The following NCKAP1 variants were observed in gnomAD, a reference collection of about 807,000 sequenced individuals.
The protein encoded by NCKAP1 is nck-associated protein 1.
Under a neutral mutation model 151.2 loss-of-function variants are expected in NCKAP1, and 21 were observed. The ratio of observed to expected loss-of-function variants is 0.14; its 90% CI spans 0.10 to 0.20. The LOEUF is 0.20. Among genes scored for constraint, NCKAP1 ranks in the 10% least tolerant of loss-of-function variants. NCKAP1 has a pLI of 1.00. For synonymous variants in NCKAP1, 484 were observed against 451.8 expected, an observed-to-expected ratio of 1.07 and a Z score of -0.90; for missense variants, 933 against 1,352.1, an observed-to-expected ratio of 0.69 and a Z score of 4.86.
At chr2:182,945,977 C>A (rs1173570383) in intron 23 of NCKAP1, among the ~76,000 whole-genome samples, 1 of 152,164 alleles carries the variant, frequency 6.6e-6, no homozygotes, top group Non-Finnish European at 1.5e-5. Context: ...ACTACACAGT[C>A]ATAAATAAGA....
intron 15 of NCKAP1, among the ~76,000 whole-genome samples, chr2:182,974,366 C>T (rs1258224635): frequency 1.3e-5 from 2 of 151,818 alleles, no homozygotes; most frequent in South Asian, 2.1e-4. Context: ...ATTGTATCCC[C>T]GAAGAAAAGA....
chr2:182,981,873 C>T (rs1263379914), intron 12 of NCKAP1, among the ~76,000 whole-genome samples: 1 of 137,946 alleles, frequency 7.2e-6, no homozygotes, highest in Non-Finnish European at 1.5e-5. Flanking sequence ...GGCATCACTG[C>T]ACTCCAGCCT....
intron 1 of NCKAP1, among the ~76,000 whole-genome samples, chr2:183,037,573 T>A (rs990792136): frequency 6.6e-6 from 1 of 152,238 alleles, no homozygotes; most frequent in African/African-American, 2.4e-5. Flanking sequence ...CCCTGTTCAC[T>A]GCTGCCATCT....
In NCKAP1 at chr2:182,957,648, A is replaced by G. The variant is rs182790578; in HGVS notation, c.1882-52T>C. 2.2e-5 allele frequency: 34 copies of G among 1,561,552 alleles called. No individual in the cohort carries two copies. The African/African-American group carries it at 4.0e-4, about 18-fold the overall frequency. ...ACATTACACCAATTACTCTGAAAGC[A>G]TACTAACTATTCAAGCAAACAGTAG... On this transcript the variant is annotated intron_variant, in intron 18 of 30. Coordinates refer to ENST00000361354, the MANE Select transcript of NCKAP1 (RefSeq NM_013436.5).
chr2:182,978,630 T>C (rs1000302171), intron 14 of NCKAP1, among the ~76,000 whole-genome samples: 4 of 152,160 alleles, frequency 2.6e-5, no homozygotes, highest in African/African-American at 9.6e-5. Context: ...TTTTTCCTGC[T>C]TAATAATTAG....
At chr2:182,967,495 G>T in intron 15 of NCKAP1, 134 bp from the exon 16 acceptor site, 1 of 786,168 alleles carries the variant, frequency 1.3e-6, no homozygotes. Flanking sequence ...CATCTACTGT[G>T]TTAGTTGTCT....
Position 182,922,850 on chromosome 2 carries a change from T to C in NCKAP1, c.*2852A>G, listed in dbSNP as rs1402844626. 1.3e-5 allele frequency: 2 copies of C among 152,100 alleles called. No individual in the cohort carries two copies. Among genetic ancestry groups the C allele is most frequent in the African/African-American group, 2.4e-5 (1 of 41,402 alleles). The allele number at this position is 152,100 out of a possible 1,614,324, so 9.4% of individuals were successfully genotyped here. ...CAACATGGTAAAACCCCATCTCTAC[T>C]AAAAATACCAAAAATTAACTGGGCG... On this transcript the variant is annotated 3_prime_UTR_variant, in exon 31 of 31. Transcript: ENST00000361354.
intron 8 of NCKAP1, among the ~76,000 whole-genome samples, chr2:182,991,060 T>C (rs1446122209): frequency 6.6e-6 from 1 of 152,176 alleles, no homozygotes; most frequent in African/African-American, 2.4e-5. Flanking sequence ...CTTTCCACCC[T>C]AATATCAAGT....
intron 2 of NCKAP1, among the ~76,000 whole-genome samples, chr2:183,017,159 A>G (rs1030109911): frequency 4.6e-5 from 7 of 152,258 alleles, no homozygotes; most frequent in Admixed American, 4.6e-4. Context: ...GCAGTCCCCA[A>G]CCTTTTTAGC....
intron 7 of NCKAP1, 28 bp from the exon 8 acceptor site, chr2:182,994,915 G>C: frequency 6.4e-7 from 1 of 1,557,488 alleles, no homozygotes; most frequent in Non-Finnish European, 8.8e-7. Context: ...TACATTTGCA[G>C]TTAAAAGAAA....
In NCKAP1 at chr2:182,913,361, A is replaced by G. The variant is rs1331661210; in HGVS notation, c.*12341T>C. 1 of 152,186 alleles carries G rather than the reference A, an allele frequency of 6.6e-6. No homozygotes were observed. The highest frequency in any genetic ancestry group is 1.5e-5 in the Non-Finnish European group (1 of 68,050). 9.4% of individuals were successfully genotyped at this position (152,186 alleles called of 1,614,324 possible). A position where few individuals can be genotyped will look rare whatever the true frequency, so the allele number is the denominator to read the frequency against. ...TTCTGGGAGGTGATTGGTTCACAAG[A>G]GCTCTGCCCTCATGAGTGAATGAAT... is the stretch of plus-strand genomic sequence containing the variant. On this transcript the variant is annotated 3_prime_UTR_variant, in exon 31 of 31. Transcript: ENST00000361354.
At chr2:182,958,734 A>G (rs1227430105) in intron 18 of NCKAP1, among the ~76,000 whole-genome samples, 6 of 152,218 alleles carry the variant, frequency 3.9e-5, no homozygotes, top group South Asian at 2.1e-4. Flanking sequence ...AAAACCACAC[A>G]GGTACAAATC....
At chr2:182,983,562 C>T (rs55803212) in intron 10 of NCKAP1, among the ~76,000 whole-genome samples, 180 bp from the exon 11 acceptor site, 6,736 of 152,214 alleles carry the variant, frequency 0.044, 502 homozygotes, top group African/African-American at 0.15. Flanking sequence ...ATTTATCCTG[C>T]CTTTCTTATG....
chr2:182,913,753 A>G lies in NCKAP1; in HGVS notation c.*11949T>C, dbSNP rs1300016654. On this transcript the variant is annotated 3_prime_UTR_variant, in exon 31 of 31. Transcript: ENST00000361354. The stretch of plus-strand genomic sequence containing the variant: ...TCTAGTCAAATTAATTAAAATGAAA[A>G]AAGAGTCTACTTCCTAATTCTCATC... 1 of 152,234 alleles carries G rather than the reference A, an allele frequency of 6.6e-6. No homozygotes were observed. Among genetic ancestry groups the G allele is most frequent in the Non-Finnish European group, 1.5e-5 (1 of 68,062 alleles). The allele number at this position is 152,234 out of a possible 1,614,324, so 9.4% of individuals were successfully genotyped here.
intron 8 of NCKAP1, among the ~76,000 whole-genome samples, chr2:182,990,620 A>T (rs770666133): frequency 2.0e-5 from 3 of 152,094 alleles, no homozygotes; most frequent in African/African-American, 7.2e-5. Context: ...CTGAACATCT[A>T]CTCAGTGTCT....
At chr2:183,000,299 C>T (rs1297835170) in intron 6 of NCKAP1, among the ~76,000 whole-genome samples, 1 of 152,118 alleles carries the variant, frequency 6.6e-6, no homozygotes, top group African/African-American at 2.4e-5. Context: ...CTACTATATA[C>T]TGAATTTGTT....
At chr2:182,926,938 G>T in intron 29 of NCKAP1, 33 bp from the exon 30 acceptor site, 1 of 1,419,888 alleles carries the variant, frequency 7.0e-7, no homozygotes, top group Non-Finnish European at 9.8e-7. Context: ...AAGTGAGTTT[G>T]TTAATAAAAG....
chr2:182,927,876 C>T (rs34644467), intron 29 of NCKAP1, among the ~76,000 whole-genome samples: 25,368 of 151,694 alleles, frequency 0.17, 4,170 homozygotes, highest in African/African-American at 0.43. Context: ...AAATAACGGA[C>T]GGCTCCTCGA....
chr2:183,015,182 T>C (rs1698660256), intron 2 of NCKAP1, among the ~76,000 whole-genome samples: 1 of 152,106 alleles, frequency 6.6e-6, no homozygotes, highest in Non-Finnish European at 1.5e-5. Context: ...AAAATAATAT[T>C]CTGAAACCAC....
Sources: allele counts gnomAD v4.1 joint callset (sites outside exome capture counted in the v4.1 genomes callset), GRCh38; gene constraint gnomAD v4.1.1; transcripts MANE v1.5; gene names NCBI Gene and HGNC (gene_info 2026-07-23, HGNC 2026-07-21).